The following BIN3 variants were observed in gnomAD, a reference collection of about 807,000 sequenced individuals.
BIN3 encodes the protein bridging integrator 3.
BIN3 carries 41 observed loss-of-function variants against 38.2 expected under a neutral mutation model. The observed-to-expected ratio is 1.07, with a 90% confidence interval of 0.84 to 1.39. The LOEUF is 1.39. Among genes scored for constraint, BIN3 ranks in the 40% most tolerant of loss-of-function variants. The pLI is 0.00. For missense variants in BIN3, 361 were observed against 324.3 expected, an observed-to-expected ratio of 1.11 and a Z score of -0.87; for synonymous variants, 145 against 122.6, an observed-to-expected ratio of 1.18 and a Z score of -1.21.
intron 6 of BIN3, 61 bp from the exon 7 acceptor site, chr8:22,624,424 G>T: frequency 6.3e-7 from 1 of 1,579,200 alleles, no homozygotes; most frequent in Non-Finnish European, 8.6e-7. Context: ...GCTGGAGATG[G>T]GTCTGCTCTT....
At chr8:22,666,278 C>T (rs1306096362) in intron 1 of BIN3, among the ~76,000 whole-genome samples, 1 of 150,886 alleles carries the variant, frequency 6.6e-6, no homozygotes, top group Non-Finnish European at 1.5e-5. Flanking sequence ...TGAGTATACA[C>T]TGGAAGATGG....
intron 1 of BIN3, among the ~76,000 whole-genome samples, chr8:22,660,319 T>C (rs766905911): frequency 1.3e-5 from 2 of 152,280 alleles, no homozygotes; most frequent in African/African-American, 4.8e-5. Context: ...GAAAGGCTTG[T>C]CCTGCGGACT....
rs745423143 is a variant in BIN3 at position 22,620,785 on chromosome 8, C to T, written c.*637G>A. ...CAGGTGAGACACAAACCCACTGTTC[C>T]TGCTTTGAGACCTGTGAATTCTTGT... On this transcript the variant is annotated 3_prime_UTR_variant, in exon 9 of 9. Coordinates refer to ENST00000276416, the MANE Select transcript of BIN3 (RefSeq NM_018688.6). 1 of 152,284 alleles carries T rather than the reference C, an allele frequency of 6.6e-6. No homozygotes were observed. Among genetic ancestry groups the T allele is most frequent in the Non-Finnish European group, 1.5e-5 (1 of 68,070 alleles). 9.4% of individuals were successfully genotyped at this position (152,284 alleles called of 1,614,324 possible).
chr8:22,652,088 T>C (rs576883961), intron 1 of BIN3, among the ~76,000 whole-genome samples: 48 of 152,194 alleles, frequency 3.2e-4, no homozygotes, highest in African/African-American at 1.1e-3. Flanking sequence ...TTTTATTTCA[T>C]GGATGCCTTA....
chr8:22,625,046 T>C (rs913939705), intron 6 of BIN3: 6 of 409,816 alleles, frequency 1.5e-5, no homozygotes, highest in Non-Finnish European at 1.8e-5. Flanking sequence ...GGCTCTGCCA[T>C]TGGAACCGCC....
intron 6 of BIN3, among the ~76,000 whole-genome samples, chr8:22,628,336 C>T (rs550244171): frequency 2.2e-4 from 33 of 152,168 alleles, no homozygotes; most frequent in African/African-American, 7.0e-4. Context: ...TTCCTGTTTC[C>T]GGTGCTGGGG....
chr8:22,646,860 C>T (rs2117563269), intron 1 of BIN3, among the ~76,000 whole-genome samples: 1 of 152,280 alleles, frequency 6.6e-6, no homozygotes, highest in South Asian at 2.1e-4. Flanking sequence ...GAGCAATTGC[C>T]CTCAAGGACC....
At chr8:22,645,033 C>A in intron 1 of BIN3, 3 of 483,250 alleles carry the variant, frequency 6.2e-6, no homozygotes, top group Non-Finnish European at 1.1e-5. Context: ...TGCTCTGCCC[C>A]AGAACATCTT....
chr8:22,621,450 C>G lies in BIN3; in HGVS notation c.734G>C (p.Arg245Pro). 3.1e-6 allele frequency: 5 copies of G among 1,613,646 alleles called. No homozygotes were observed. Among genetic ancestry groups the G allele is most frequent in the Non-Finnish European group, 3.4e-6 (4 of 1,179,800 alleles). Residue 245 changes from arginine (R) to proline (P), a missense_variant, in exon 9 of 9, where the codon CGG becomes CCG. Coordinates refer to ENST00000276416, the MANE Select transcript of BIN3 (RefSeq NM_018688.6). ...GTCATCGGCCACAATGGAGAGGGCC[C>G]GGAGCTCACTGAGTTTGGCCTCGTT... ...RENEAKLSEL[R>P]ALSIVADD
chr8:22,637,023 C>T (rs1802389149), intron 2 of BIN3, 61 bp from the exon 3 acceptor site: 2 of 1,500,880 alleles, frequency 1.3e-6, no homozygotes, highest in Admixed American at 3.5e-5. Context: ...AAAAACCTCC[C>T]AGCCTCCTGA....
chr8:22,637,405 C>T (rs1351786979), intron 2 of BIN3, among the ~76,000 whole-genome samples: 1 of 152,192 alleles, frequency 6.6e-6, no homozygotes, highest in African/African-American at 2.4e-5. Context: ...GGCACCTCCC[C>T]TCCTACGCGG....
intron 1 of BIN3, among the ~76,000 whole-genome samples, chr8:22,646,336 T>C (rs1287933944): frequency 6.6e-6 from 1 of 152,142 alleles, no homozygotes; most frequent in Non-Finnish European, 1.5e-5. Flanking sequence ...GGCTCTTCCA[T>C]TCAAACCTCC....
At chr8:22,647,021 G>C (rs566489925) in intron 1 of BIN3, among the ~76,000 whole-genome samples, 2 of 152,300 alleles carry the variant, frequency 1.3e-5, no homozygotes, top group Middle Eastern at 3.4e-3. Context: ...ATCAGAAAAC[G>C]TGGCCTCTGC....
chr8:22,634,634 C>T, intron 4 of BIN3: 1 of 428,406 alleles, frequency 2.3e-6, no homozygotes, highest in Non-Finnish European at 4.7e-6. Flanking sequence ...TCAAGTCCCA[C>T]CCGTAGGTGC....
chr8:22,657,370 CA>C (rs1163413022), intron 1 of BIN3, among the ~76,000 whole-genome samples: 7 of 152,188 alleles, frequency 4.6e-5, no homozygotes, highest in African/African-American at 1.7e-4. Flanking sequence ...AAAACACAAA[CA>C]AAAAACCCCA....
At chr8:22,655,651 C>T (rs1017713301) in intron 1 of BIN3, among the ~76,000 whole-genome samples, 104 of 152,346 alleles carry the variant, frequency 6.8e-4, no homozygotes, top group African/African-American at 2.3e-3. Context: ...CAGCACCACA[C>T]AACCTTCATT....
intron 1 of BIN3, among the ~76,000 whole-genome samples, chr8:22,647,548 T>C (rs1802751041): frequency 6.6e-6 from 1 of 152,228 alleles, no homozygotes; most frequent in Non-Finnish European, 1.5e-5. Flanking sequence ...GTTATAAGTA[T>C]GTGATGAAAA....
intron 4 of BIN3, among the ~76,000 whole-genome samples, chr8:22,631,087 G>A (rs1802182735): frequency 6.6e-6 from 1 of 152,094 alleles, no homozygotes; most frequent in South Asian, 2.1e-4. Context: ...TCTCAACTCT[G>A]CCTTGTGCTG....
chr8:22,623,978 C>T lies in BIN3; in HGVS notation c.552G>A (p.Pro184=), dbSNP rs773659540. 21 of 1,612,292 alleles carry T rather than the reference C, an allele frequency of 1.3e-5. No homozygotes were observed. The highest frequency in any genetic ancestry group is 1.7e-4 in the Middle Eastern group (1 of 6,040). ...AGTCGAGGCGGCTGCCGTAGAAGCGCGGCATCTCCTCCAGCAGCTGCCTGT... is the reference window on the plus strand; with the variant it reads ...AGTCGAGGCGGCTGCCGTAGAAGCGTGGCATCTCCTCCAGCAGCTGCCTGT... ...AKNRQLLEEM[P]RFYGSRLDYF... The change falls in exon 8 of 9, where the codon CCG becomes CCA. Residue 184 remains proline (P), a synonymous_variant. Coordinates refer to ENST00000276416, the MANE Select transcript of BIN3 (RefSeq NM_018688.6).
Sources: allele counts gnomAD v4.1 joint callset (sites outside exome capture counted in the v4.1 genomes callset), GRCh38; gene constraint gnomAD v4.1.1; transcripts MANE v1.5; gene names NCBI Gene and HGNC (gene_info 2026-07-23, HGNC 2026-07-21).